THSD7B: variants seen among roughly 807,000 people sequenced by gnomAD.
The protein encoded by THSD7B is thrombospondin type-1 domain-containing protein 7B.
In THSD7B, 138 loss-of-function variants were observed where a neutral mutation model predicts 213.6. That is an observed-to-expected ratio of 0.65 (90% CI 0.56 to 0.74). The LOEUF (loss-of-function observed/expected upper bound fraction) is 0.74. Among genes scored for constraint, THSD7B ranks in the 30% least tolerant of loss-of-function variants. The probability of loss-of-function intolerance (pLI) is 0.00; values close to 1 mark genes in which losing one functional copy is unlikely to be tolerated. For synonymous variants in THSD7B, 742 were observed against 687.0 expected (o/e 1.08, Z -1.25); for missense variants, 1,931 against 1,991.5 (o/e 0.97, Z 0.58).
At chr2:137,596,419 G>C (rs904868001) in intron 17 of THSD7B, among the ~76,000 whole-genome samples, 2 of 151,864 alleles carry the variant, frequency 1.3e-5, no homozygotes, top group Non-Finnish European at 2.9e-5. Flanking sequence ...TTCTTTATTT[G>C]GCTGTGTTCA....
chr2:136,819,545 A>T (rs1261900150), intron 1 of THSD7B, among the ~76,000 whole-genome samples: 2 of 152,056 alleles, frequency 1.3e-5, no homozygotes, highest in Non-Finnish European at 2.9e-5. Context: ...TCCTCAATGT[A>T]CTGGGGAAAA....
rs761254118 is a variant in THSD7B at position 137,242,554 on chromosome 2, C to G, written c.2248C>G (p.Pro750Ala). 1 of 1,613,352 alleles carries G rather than the reference C, an allele frequency of 6.2e-7. No homozygotes were observed. The highest frequency in any genetic ancestry group is 1.3e-5 in the African/African-American group (1 of 74,866). ...VTAFSEWTPC[P>A]RMCQAGNATV... Reference sequence around the variant, plus strand: ...TGCTTTCAGTGAGTGGACACCCTGCCCAAGGATGTGCCAAGCAGGTAGGTG... The same window carrying G: ...TGCTTTCAGTGAGTGGACACCCTGCGCAAGGATGTGCCAAGCAGGTAGGTG... The change falls in exon 10 of 28, where the codon CCA (proline) becomes GCA (alanine). Residue 750 changes from proline (P) to alanine (A), a missense_variant. By Grantham distance (27) the Pro-to-Ala change is conservative. Coordinates refer to ENST00000409968, the MANE Select transcript of THSD7B (RefSeq NM_001316349.2).
At chr2:137,540,534 G>A (rs974213950) in intron 15 of THSD7B, among the ~76,000 whole-genome samples, 4 of 151,590 alleles carry the variant, frequency 2.6e-5, no homozygotes, top group Non-Finnish European at 4.4e-5. Flanking sequence ...CAGTGGAGAG[G>A]GCTGAACAGG....
At chr2:136,971,377 A>G (rs1685400155) in intron 2 of THSD7B, among the ~76,000 whole-genome samples, 1 of 152,122 alleles carries the variant, frequency 6.6e-6, no homozygotes, top group Non-Finnish European at 1.5e-5. Context: ...CGACACAGGT[A>G]GAATATTAAA....
rs574601640 is a variant in THSD7B, at chr2:136,862,381, T to G, written c.-35-19763T>G. Among the ~76,000 whole-genome samples, 55 of 152,354 alleles carry G rather than the reference T, an allele frequency of 3.6e-4. 1 individual carries two copies. Among genetic ancestry groups the G allele is most frequent in the Admixed American group, 2.7e-3 (41 of 15,310 alleles). On this transcript the variant is annotated intron_variant, in intron 1 of 27. Transcript: ENST00000409968. ...AGTTTCAGGTATTATTAACTTTTACTTCACAAAATCTTGCCATTTTGGGTC... is the reference window on the plus strand; with the variant it reads ...AGTTTCAGGTATTATTAACTTTTACGTCACAAAATCTTGCCATTTTGGGTC...
intron 20 of THSD7B, among the ~76,000 whole-genome samples, chr2:137,639,803 AC>A (rs1169978699): frequency 3.3e-5 from 5 of 152,036 alleles, no homozygotes; most frequent in African/African-American, 1.2e-4. Flanking sequence ...GGGCCGCATA[AC>A]CCCTTTATTT....
chr2:137,671,402 C>G (rs1382320129), intron 27 of THSD7B, among the ~76,000 whole-genome samples: 1 of 152,064 alleles, frequency 6.6e-6, no homozygotes, highest in Non-Finnish European at 1.5e-5. Flanking sequence ...CATTGTCATA[C>G]TACTATGAAG....
chr2:137,524,372 C>T (rs1168654262), intron 15 of THSD7B, among the ~76,000 whole-genome samples: 1 of 152,100 alleles, frequency 6.6e-6, no homozygotes, highest in Non-Finnish European at 1.5e-5. Context: ...GAGCACAGGG[C>T]CCTCTGCAGG....
chr2:137,348,607 T>A (rs1684932458), intron 12 of THSD7B, among the ~76,000 whole-genome samples: 1 of 151,642 alleles, frequency 6.6e-6, no homozygotes, highest in African/African-American at 2.4e-5. Context: ...TTCTGAATTG[T>A]CTGCCAATGC....
chr2:137,453,580 C>T (rs1043437580), intron 15 of THSD7B, among the ~76,000 whole-genome samples: 5 of 152,060 alleles, frequency 3.3e-5, no homozygotes, highest in African/African-American at 4.8e-5. Flanking sequence ...CTGCCCGCCT[C>T]GGCCTCCCAA....
Position 137,193,500 on chromosome 2 carries a change from C to T in THSD7B, c.1723+22562C>T, listed in dbSNP as rs371158875. Among the ~76,000 whole-genome samples the T allele has an allele frequency of 4.6e-5, 7 of 152,134 alleles. No individual in the cohort carries two copies. In the South Asian group the frequency reaches 8.3e-4, roughly 18 times the overall value. On this transcript the variant is annotated intron_variant, in intron 7 of 27. Transcript: ENST00000409968. Reference sequence around the variant, plus strand: ...ATTATTATTAATCATATTCACCACACGTAAGAGAACTGTGAAGATGGAAAC... The same window carrying T: ...ATTATTATTAATCATATTCACCACATGTAAGAGAACTGTGAAGATGGAAAC...
At chr2:137,552,557 C>T (rs1400098520) in intron 15 of THSD7B, among the ~76,000 whole-genome samples, 1 of 152,204 alleles carries the variant, frequency 6.6e-6, no homozygotes, top group African/African-American at 2.4e-5. Flanking sequence ...GAATACCTTA[C>T]ATAAGCTATA....
chr2:137,212,826 A>T (rs188246604), intron 7 of THSD7B, among the ~76,000 whole-genome samples: 69 of 152,158 alleles, frequency 4.5e-4, no homozygotes, highest in African/African-American at 1.6e-3. Flanking sequence ...CAAAACCAAG[A>T]TGCTATAAAG....
At chr2:137,604,040 G>A (rs533057338) in intron 17 of THSD7B, among the ~76,000 whole-genome samples, 18 of 152,026 alleles carry the variant, frequency 1.2e-4, no homozygotes, top group Non-Finnish European at 2.4e-4. Context: ...GAACCTGGGA[G>A]GTGGAGATTG....
chr2:137,518,327 G>C (rs1680113341), intron 15 of THSD7B, among the ~76,000 whole-genome samples: 1 of 152,186 alleles, frequency 6.6e-6, no homozygotes, highest in Non-Finnish European at 1.5e-5. Flanking sequence ...ATCCCTGAAG[G>C]ACAGTGGTGA....
At chr2:137,136,729 C>T (rs1397600128) in intron 5 of THSD7B, among the ~76,000 whole-genome samples, 1 of 152,184 alleles carries the variant, frequency 6.6e-6, no homozygotes, top group Non-Finnish European at 1.5e-5. Context: ...TTCAAGTTCA[C>T]ATTATCATCC....
At chr2:136,906,719 T>TATGAC (rs767937711) in intron 2 of THSD7B, among the ~76,000 whole-genome samples, 1 of 152,102 alleles carries the variant, frequency 6.6e-6, no homozygotes, top group Non-Finnish European at 1.5e-5. Context: ...GAGGAAGAAG[T>TATGAC]ATGACAAATA....
chr2:137,173,655 G>A (rs1209693523), intron 7 of THSD7B, among the ~76,000 whole-genome samples: 1 of 152,172 alleles, frequency 6.6e-6, no homozygotes, highest in East Asian at 1.9e-4. Flanking sequence ...CATCGTTTGT[G>A]GGGCAATGGC....
chr2:137,309,006 C>A (rs1002688875), intron 12 of THSD7B, among the ~76,000 whole-genome samples: 2 of 152,068 alleles, frequency 1.3e-5, no homozygotes, highest in African/African-American at 4.8e-5. Context: ...TTAGGACCTA[C>A]TTCTATAAGT....
Sources: gnomAD v4.1 joint callset for allele counts (sites outside exome capture counted in the v4.1 genomes callset) on GRCh38, gnomAD v4.1.1 for gene constraint, MANE v1.5 for transcripts, NCBI Gene and HGNC (gene_info 2026-07-23, HGNC 2026-07-21) for gene names.